The following PUM1 variants were observed in gnomAD, a reference collection of about 807,000 sequenced individuals.
PUM1 encodes the protein pumilio homolog 1.
Under a neutral mutation model 131.8 loss-of-function variants are expected in PUM1, and 13 were observed. That is an observed-to-expected ratio of 0.10 (90% confidence interval 0.06 to 0.16). The LOEUF (loss-of-function observed/expected upper bound fraction) is 0.16. Ranked by LOEUF, PUM1 falls within the 10% of genes least tolerant of loss-of-function variation. The pLI, the probability that PUM1 is intolerant of heterozygous loss-of-function variation, is 1.00. For missense variants in PUM1, 961 were observed against 1,512.4 expected, an observed-to-expected ratio of 0.64 and a Z score of 6.05; for synonymous variants, 509 against 556.5, an observed-to-expected ratio of 0.91 and a Z score of 1.20.
Position 30,933,165 on chromosome 1 carries a change from G to T in PUM1, c.*46C>A. 2.5e-6 allele frequency: 4 copies of T among 1,572,992 alleles called. No individual in the cohort carries two copies. The African/African-American group carries it at 4.1e-5, about 16-fold the overall frequency. ...TGGTTGCTGGTTGGATTTGCCAGTG[G>T]GCCAGTGAGGTCAGCGGGAATGAGG... On this transcript the variant is annotated 3_prime_UTR_variant, in exon 22 of 22. Transcript: ENST00000426105.
intron 1 of PUM1, 67 bp downstream of exon 1, chr1:31,065,549 T>G: frequency 6.6e-7 from 1 of 1,523,512 alleles, no homozygotes; most frequent in Non-Finnish European, 8.8e-7. Context: ...AACACCAATA[T>G]GAAGGGACAA....
intron 1 of PUM1, among the ~76,000 whole-genome samples, chr1:31,063,191 G>A (rs978395504): frequency 5.9e-5 from 9 of 152,020 alleles, no homozygotes; most frequent in African/African-American, 1.9e-4. Flanking sequence ...TTCTAGAGCA[G>A]GCCAAGAGTT....
At chr1:31,008,100 G>A (rs1642459813) in intron 3 of PUM1, among the ~76,000 whole-genome samples, 2 of 152,086 alleles carry the variant, frequency 1.3e-5, no homozygotes, top group Admixed American at 6.6e-5. Flanking sequence ...TTTCTCAGAA[G>A]AACACAATAA....
intron 3 of PUM1, among the ~76,000 whole-genome samples, chr1:31,007,637 C>T (rs1642441280): frequency 6.6e-6 from 1 of 152,190 alleles, no homozygotes; most frequent in Non-Finnish European, 1.5e-5. Flanking sequence ...AACCACAACA[C>T]TAACCTATTC....
chr1:31,008,847 C>T (rs1280911268), intron 3 of PUM1, among the ~76,000 whole-genome samples: 4 of 152,110 alleles, frequency 2.6e-5, no homozygotes, highest in Non-Finnish European at 5.9e-5. Context: ...TATTTTTAAA[C>T]TTATTTTTCT....
At chr1:31,065,198 C>A (rs1038750764) in intron 1 of PUM1, among the ~76,000 whole-genome samples, 4 of 152,044 alleles carry the variant, frequency 2.6e-5, no homozygotes, top group Admixed American at 1.3e-4. Context: ...CTCAAGAAGT[C>A]GAAGAAATCG....
intron 2 of PUM1, among the ~76,000 whole-genome samples, chr1:31,042,331 T>TA (rs1553152903): frequency 5.3e-5 from 8 of 151,084 alleles, no homozygotes; most frequent in Non-Finnish European, 1.2e-4. Flanking sequence ...AATAAATAAA[T>TA]AAATAAAATA....
intron 5 of PUM1, among the ~76,000 whole-genome samples, chr1:30,997,727 C>T (rs776629148): frequency 2.0e-5 from 3 of 151,890 alleles, no homozygotes; most frequent in African/African-American, 4.8e-5. Context: ...TTTTTTAAGA[C>T]GGAATCTTGC....
In PUM1 at chr1:31,036,331, A is replaced by C. The variant is rs190010236; in HGVS notation, c.364-7467T>G. 4.2e-3 allele frequency among the ~76,000 whole-genome samples: 641 copies of C among 152,272 alleles called. 3 individuals carry two copies. The highest frequency in any genetic ancestry group is 0.015 in the African/African-American group (619 of 41,558). On this transcript the variant is annotated intron_variant, in intron 2 of 21. Transcript: ENST00000426105. The stretch of plus-strand genomic sequence containing the variant: ...TGATCCGCCTGCCTCGGCCTCCCAA[A>C]GTGCTGGGATTACAGGTGTGAGCCA...
Position 30,975,354 on chromosome 1 carries a change from TTG to T in PUM1, c.1355-554_1355-553del, listed in dbSNP as rs1491020420. Among the ~76,000 whole-genome samples the T allele has an allele frequency of 8.4e-3, 1,050 of 125,352 alleles. 3 individuals are homozygous for T. Among genetic ancestry groups the T allele is most frequent in the East Asian group, 0.035 (163 of 4,610 alleles). 82.2% of individuals were successfully genotyped at this position (125,352 alleles called of 152,430 possible). ...AAGTTGCTGTTACTGTTTGTTTTTT[TTG>T]TTTTTTTGTTTTTTGAGACAGGGTC... On this transcript the variant is annotated intron_variant, in intron 9 of 21. Transcript: ENST00000426105.
chr1:31,005,794 AGAGAGAGAGAG>A, intron 5 of PUM1, 48 bp downstream of exon 5: 3 of 98,826 alleles, frequency 3.0e-5, no homozygotes, highest in Middle Eastern at 1.4e-3. Context: ...GGAAAAAAAG[AGAGAGAGAGAG>A]AGAGAGAGAG....
rs1639012523 is a variant in PUM1, at chr1:30,932,742, GT to G, written c.*468del. The G allele has an allele frequency of 1.3e-5, 2 of 148,516 alleles. No individual in the cohort carries two copies. The highest frequency in any genetic ancestry group is 2.5e-5 in the African/African-American group (1 of 40,414). 9.2% of individuals were successfully genotyped at this position (148,516 alleles called of 1,614,324 possible). Reference sequence around the variant, plus strand: ...AAACTTCTCAGGTTTTTTTGTTTTTGTTTGTTTTTTACTAAAATGAGGAGGT... The same window carrying G: ...AAACTTCTCAGGTTTTTTTGTTTTTGTTGTTTTTTACTAAAATGAGGAGGT... On this transcript the variant is annotated 3_prime_UTR_variant, in exon 22 of 22. Coordinates refer to ENST00000426105, the MANE Select transcript of PUM1 (RefSeq NM_001020658.2).
intron 18 of PUM1, among the ~76,000 whole-genome samples, chr1:30,944,806 TATG>T (rs1639600924): frequency 6.6e-6 from 1 of 152,252 alleles, no homozygotes; most frequent in Admixed American, 6.5e-5. Flanking sequence ...TAAAAACTCT[TATG>T]ATGGTGTTTC....
Position 31,059,397 on chromosome 1 carries a change from G to C in PUM1, c.170C>G (p.Ala57Gly). ...QPQPAANQAL[A>G]AGTHSSPVPG... ...GACAGGGCTGGAGTGAGTCCCAGCT[G>C]CAAGAGCCTGATTTGCAGCTGGTTG... is the stretch of plus-strand genomic sequence containing the variant. The change falls in exon 2 of 22, where the codon GCA becomes GGA. Residue 57 changes from alanine (A) to glycine (G), a missense_variant. Ala to Gly is a moderately conservative substitution (Grantham distance 60). Transcript: ENST00000426105. 1.2e-6 allele frequency: 2 copies of C among 1,614,150 alleles called. No individual in the cohort carries two copies. The highest frequency in any genetic ancestry group is 1.7e-6 in the Non-Finnish European group (2 of 1,180,018).
At chr1:31,039,770 G>A (rs1361714199) in intron 2 of PUM1, among the ~76,000 whole-genome samples, 2 of 152,020 alleles carry the variant, frequency 1.3e-5, no homozygotes, top group Non-Finnish European at 2.9e-5. Flanking sequence ...GCATGGTGGC[G>A]CACTTGTAAT....
chr1:31,046,424 T>A (rs1233708778), intron 2 of PUM1, among the ~76,000 whole-genome samples: 1 of 150,216 alleles, frequency 6.7e-6, no homozygotes, highest in African/African-American at 2.4e-5. Context: ...TTCAAAAAAA[T>A]ATTACACAAA....
intron 8 of PUM1, 130 bp from the exon 9 acceptor site, chr1:30,980,293 G>A (rs953115271): frequency 2.8e-6 from 2 of 725,822 alleles, no homozygotes; most frequent in South Asian, 3.1e-5. Flanking sequence ...AGACGGGACA[G>A]GTTGAGGGTA....
chr1:31,057,229 C>T (rs995270498), intron 2 of PUM1, among the ~76,000 whole-genome samples: 7 of 151,930 alleles, frequency 4.6e-5, no homozygotes, highest in African/African-American at 1.5e-4. Flanking sequence ...CATGGCAAAA[C>T]CCCGTCTCTA....
chr1:31,000,481 C>T (rs572842552), intron 5 of PUM1, among the ~76,000 whole-genome samples: 4 of 152,082 alleles, frequency 2.6e-5, no homozygotes, highest in Non-Finnish European at 4.4e-5. Flanking sequence ...GAAAAGCAGA[C>T]GTAGGTAGAA....
Sources: allele counts gnomAD v4.1 joint callset (sites outside exome capture counted in the v4.1 genomes callset), GRCh38; gene constraint gnomAD v4.1.1; transcripts MANE v1.5; gene names NCBI Gene and HGNC (gene_info 2026-07-23, HGNC 2026-07-21).